ALMS1: variants seen among roughly 807,000 people sequenced by gnomAD.
ALMS1 encodes the protein ALMS1 centrosome and basal body associated protein.
In ALMS1, 271 loss-of-function variants were observed where a neutral mutation model predicts 352.2. That is an observed-to-expected ratio of 0.77 (90% CI 0.70 to 0.85). The LOEUF is 0.85. Among genes scored for constraint, ALMS1 ranks in the 40% least tolerant of loss-of-function variants. The pLI, the probability that ALMS1 is intolerant of heterozygous loss-of-function variation, is 0.00. For missense variants in ALMS1, 5,445 were observed against 4,870.7 expected (o/e 1.12, Z -3.51); for synonymous variants, 1,865 against 1,761.2 (o/e 1.06, Z -1.48).
intron 13 of ALMS1, among the ~76,000 whole-genome samples, chr2:73,556,329 AATCTC>A: frequency 6.6e-6 from 1 of 152,186 alleles, no homozygotes; most frequent in South Asian, 2.1e-4. Context: ...CATTTTTAGC[AATCTC>A]TATTGCCTTT....
chr2:73,508,636 G>C lies in ALMS1; in HGVS notation c.9540-11139G>C, dbSNP rs572597147. Among the ~76,000 whole-genome samples, 6 of 152,258 alleles carry C rather than the reference G, an allele frequency of 3.9e-5. No homozygotes were observed. The South Asian group carries it at 1.2e-3, about 32-fold the overall frequency. On this transcript the variant is annotated intron_variant, in intron 10 of 22. Transcript: ENST00000613296. ...AATTATGTGGTCAATTTTAGAATAA[G>C]TGCTATGTAGTACTGAGGAGAATGT... is the stretch of plus-strand genomic sequence containing the variant.
At chr2:73,555,023 A>G (rs527972941) in intron 13 of ALMS1, among the ~76,000 whole-genome samples, 28 of 152,226 alleles carry the variant, frequency 1.8e-4, no homozygotes, top group Non-Finnish European at 3.2e-4. Context: ...ATTAAGACCT[A>G]AATAGTTGGA....
intron 21 of ALMS1, 37 bp from the exon 22 acceptor site, chr2:73,608,438 C>T: frequency 1.3e-6 from 2 of 1,551,506 alleles, no homozygotes; most frequent in Non-Finnish European, 1.8e-6. Context: ...CTGGTAACCT[C>T]CCCGATTTCT....
intron 3 of ALMS1, among the ~76,000 whole-genome samples, chr2:73,420,504 T>A (rs972530570): frequency 6.6e-6 from 1 of 152,168 alleles, no homozygotes; most frequent in African/African-American, 2.4e-5. Context: ...TCCTAGAGTT[T>A]AAAATGGATA....
intron 9 of ALMS1, among the ~76,000 whole-genome samples, chr2:73,485,257 T>C (rs909951659): frequency 5.9e-5 from 9 of 152,238 alleles, no homozygotes; most frequent in Non-Finnish European, 1.5e-5. Context: ...GTTTTTGGTG[T>C]GGATGTCCTT....
At chr2:73,401,475 T>C (rs529681159) in intron 1 of ALMS1, among the ~76,000 whole-genome samples, 15 of 152,326 alleles carry the variant, frequency 9.8e-5, no homozygotes, top group African/African-American at 3.6e-4. Flanking sequence ...AGTTTTTATT[T>C]GACCCACATG....
chr2:73,517,246 CTT>C (rs770879267), intron 10 of ALMS1, among the ~76,000 whole-genome samples: 14 of 104,958 alleles, frequency 1.3e-4, no homozygotes, highest in South Asian at 2.9e-4. Context: ...AAGTTTTAGT[CTT>C]TTTTTTTTTT....
intron 9 of ALMS1, chr2:73,469,763 T>C (rs1467259490): frequency 2.6e-5 from 4 of 151,800 alleles, no homozygotes; most frequent in Admixed American, 1.3e-4. Context: ...TAAAGCTTTG[T>C]GGAGGGATAG....
intron 3 of ALMS1, 37 bp downstream of exon 3, chr2:73,419,355 A>G: frequency 1.3e-6 from 2 of 1,594,324 alleles, no homozygotes; most frequent in Non-Finnish European, 1.7e-6. Context: ...GTAATACCTC[A>G]CATTTGTAAG....
intron 7 of ALMS1, among the ~76,000 whole-genome samples, chr2:73,443,070 G>A (rs1471967594): frequency 6.6e-6 from 1 of 151,982 alleles, no homozygotes; most frequent in Non-Finnish European, 1.5e-5. Context: ...TCTCTTTTCT[G>A]AATTACTGCA....
intron 9 of ALMS1, among the ~76,000 whole-genome samples, chr2:73,487,601 G>A (rs1672879720): frequency 1.3e-5 from 2 of 152,162 alleles, no homozygotes; most frequent in African/African-American, 4.8e-5. Flanking sequence ...CAGGCGGGGA[G>A]GGGGCATGTT....
At chr2:73,562,490 C>T (rs1674684742) in intron 15 of ALMS1, among the ~76,000 whole-genome samples, 1 of 152,014 alleles carries the variant, frequency 6.6e-6, no homozygotes. Context: ...TGCTAAAAGA[C>T]AGGGGGACAG....
chr2:73,482,800 G>A (rs1672740512), intron 9 of ALMS1, among the ~76,000 whole-genome samples: 1 of 151,306 alleles, frequency 6.6e-6, no homozygotes, highest in South Asian at 2.1e-4. Context: ...TCCTGGTTTA[G>A]TCTTGGGAGA....
At chr2:73,481,381 A>G (rs1431254029) in intron 9 of ALMS1, among the ~76,000 whole-genome samples, 11 of 152,098 alleles carry the variant, frequency 7.2e-5, no homozygotes, top group African/African-American at 2.4e-4. Context: ...AAGATCAGAT[A>G]GTTGTAGATA....
intron 15 of ALMS1, among the ~76,000 whole-genome samples, chr2:73,568,128 C>G (rs530162237): frequency 6.6e-6 from 1 of 152,210 alleles, no homozygotes; most frequent in South Asian, 2.1e-4. Context: ...ACTTAACTGT[C>G]TTAATAAAGA....
chr2:73,558,242 A>G (rs148377254), intron 14 of ALMS1, among the ~76,000 whole-genome samples: 10 of 152,340 alleles, frequency 6.6e-5, no homozygotes, highest in African/African-American at 2.4e-4. Flanking sequence ...GAGGACAGAT[A>G]GTATTGATAG....
chr2:73,408,615 T>C lies in ALMS1; in HGVS notation c.325-7T>C. On this transcript the variant is annotated splice_region_variant and splice_polypyrimidine_tract_variant and intron_variant, in intron 1 of 22. Transcript: ENST00000613296. The stretch of plus-strand genomic sequence containing the variant: ...TTACTCTATTTAAGCCTGCTTTTGA[T>C]TTTCAGATTGTTCCATTGACCTGTC... 1 of 1,612,510 alleles carries C rather than the reference T, an allele frequency of 6.2e-7. No individual in the cohort carries two copies. Among genetic ancestry groups the C allele is most frequent in the African/African-American group, 1.3e-5 (1 of 74,972 alleles).
chr2:73,545,122 C>T (rs1013528591), intron 12 of ALMS1, among the ~76,000 whole-genome samples: 4 of 150,644 alleles, frequency 2.7e-5, no homozygotes, highest in African/African-American at 4.9e-5. Flanking sequence ...GGTTACATAA[C>T]AGTGTGAATA....
At chr2:73,404,118 C>T (rs1282746305) in intron 1 of ALMS1, among the ~76,000 whole-genome samples, 1 of 152,196 alleles carries the variant, frequency 6.6e-6, no homozygotes, top group Non-Finnish European at 1.5e-5. Flanking sequence ...AGGGTGGTCT[C>T]AAACTCCTGA....
Sources: allele counts gnomAD v4.1 joint callset (sites outside exome capture counted in the v4.1 genomes callset), GRCh38; gene constraint gnomAD v4.1.1; transcripts MANE v1.5; gene names NCBI Gene and HGNC (gene_info 2026-07-23, HGNC 2026-07-21).